The following MTUS2 variants were observed in gnomAD, a reference collection of about 807,000 sequenced individuals.
MTUS2 encodes the protein microtubule-associated tumor suppressor candidate 2.
A neutral mutation model predicts 114.1 loss-of-function variants in MTUS2; 40 were observed. The observed-to-expected ratio is 0.35, with a 90% CI of 0.27 to 0.46. The LOEUF is 0.46. Ranked by LOEUF, MTUS2 falls within the 20% of genes least tolerant of loss-of-function variation. The probability of loss-of-function intolerance (pLI) is 1.00; values close to 1 mark genes in which losing one functional copy is unlikely to be tolerated. For missense variants in MTUS2, 1,679 were observed against 1,705.4 expected, an observed-to-expected ratio of 0.98 and a Z score of 0.27; for synonymous variants, 688 against 672.0, an observed-to-expected ratio of 1.02 and a Z score of -0.37.
chr13:29,149,158 G>A (rs529298184), intron 5 of MTUS2, among the ~76,000 whole-genome samples: 91 of 152,216 alleles, frequency 6.0e-4, no homozygotes, highest in African/African-American at 2.1e-3. Context: ...CAGTGTAAAG[G>A]CATTCCTATT....
At chr13:29,364,519 C>A (rs927789699) in intron 8 of MTUS2, among the ~76,000 whole-genome samples, 8 of 152,226 alleles carry the variant, frequency 5.3e-5, no homozygotes, top group African/African-American at 1.9e-4. Flanking sequence ...ACCTTGAGTG[C>A]TCCATAACAC....
chr13:29,124,797 T>C (rs1891449090), intron 5 of MTUS2, among the ~76,000 whole-genome samples: 1 of 152,200 alleles, frequency 6.6e-6, no homozygotes, highest in South Asian at 2.1e-4. Context: ...GGGTGAACCT[T>C]GAGTACATTG....
chr13:28,883,295 TTGAG>T (rs1878400091), intron 2 of MTUS2, among the ~76,000 whole-genome samples: 1 of 152,224 alleles, frequency 6.6e-6, no homozygotes, highest in Non-Finnish European at 1.5e-5. Context: ...AATTGCACTA[TTGAG>T]TATTTGTTCC....
intron 2 of MTUS2, among the ~76,000 whole-genome samples, chr13:28,928,955 C>T (rs1028303501): frequency 1.1e-4 from 17 of 152,172 alleles, no homozygotes; most frequent in African/African-American, 3.1e-4. Flanking sequence ...TGCACACATA[C>T]ATATATACAC....
At chr13:29,434,170 T>C (rs1170845954) in intron 8 of MTUS2, among the ~76,000 whole-genome samples, 1 of 152,198 alleles carries the variant, frequency 6.6e-6, no homozygotes, top group Non-Finnish European at 1.5e-5. Flanking sequence ...ATGAAAATGC[T>C]CAAATCTGCA....
chr13:29,283,550 C>G (rs1898359552), intron 6 of MTUS2, among the ~76,000 whole-genome samples: 2 of 152,052 alleles, frequency 1.3e-5, no homozygotes, highest in African/African-American at 4.8e-5. Flanking sequence ...TTGAATCAAC[C>G]CTATAGCCCA....
At chr13:29,342,698 G>C (rs1383527994) in intron 7 of MTUS2, among the ~76,000 whole-genome samples, 3 of 152,086 alleles carry the variant, frequency 2.0e-5, no homozygotes, top group Non-Finnish European at 4.4e-5. Flanking sequence ...GTACTATGTT[G>C]AATAGAAGTG....
At chr13:29,263,373 G>A (rs1897548265) in intron 5 of MTUS2, among the ~76,000 whole-genome samples, 1 of 152,174 alleles carries the variant, frequency 6.6e-6, no homozygotes, top group Non-Finnish European at 1.5e-5. Flanking sequence ...GGAGTTCTGT[G>A]TTGAGAAAGA....
At chr13:28,922,748 C>G (rs1356399050) in intron 2 of MTUS2, among the ~76,000 whole-genome samples, 2 of 152,200 alleles carry the variant, frequency 1.3e-5, no homozygotes, top group African/African-American at 4.8e-5. Flanking sequence ...TCCTACCCCC[C>G]TTCAGTGCCT....
At chr13:29,043,521 G>A (rs895186430) in intron 4 of MTUS2, among the ~76,000 whole-genome samples, 7 of 152,142 alleles carry the variant, frequency 4.6e-5, no homozygotes, top group Admixed American at 1.3e-4. Flanking sequence ...AGTGCTGTCA[G>A]TGGGGTACTG....
intron 2 of MTUS2, among the ~76,000 whole-genome samples, chr13:28,882,107 T>G (rs985267983): frequency 1.3e-5 from 2 of 152,120 alleles, no homozygotes; most frequent in African/African-American, 4.8e-5. Context: ...TCTCCCAGGC[T>G]GGAGTGCGGC....
intron 4 of MTUS2, among the ~76,000 whole-genome samples, chr13:29,092,666 G>A (rs1575301): frequency 0.67 from 102,127 of 152,004 alleles, 35,030 homozygotes; most frequent in Non-Finnish European, 0.74. Flanking sequence ...GCATGGCCCC[G>A]CCAGACGAGT....
In MTUS2 at chr13:29,011,236, A is replaced by G. The variant is rs1319461391; in HGVS notation, c.-242-13221A>G. On this transcript the variant is annotated intron_variant, in intron 2 of 15. Coordinates refer to ENST00000612955, the MANE Select transcript of MTUS2 (RefSeq NM_001033602.4). Reference sequence around the variant, plus strand: ...ATTTAAAACATGCCCATGAAAATTCATACTTACTCAGGTTTGTGCTTTTGA... The same window carrying G: ...ATTTAAAACATGCCCATGAAAATTCGTACTTACTCAGGTTTGTGCTTTTGA... Among the ~76,000 whole-genome samples, 7 of 152,352 alleles carry G rather than the reference A, an allele frequency of 4.6e-5. No homozygotes were observed. The East Asian group carries it at 1.2e-3, about 25-fold the overall frequency.
At chr13:29,076,060 G>A (rs2479780) in intron 4 of MTUS2, among the ~76,000 whole-genome samples, 149,067 of 152,340 alleles carry the variant, frequency 0.98, 72,978 homozygotes, top group Non-Finnish European at 1. Context: ...TATACGTTTC[G>A]TATTATAGAA....
At chr13:29,029,741 A>G (rs1460326940) in intron 3 of MTUS2, among the ~76,000 whole-genome samples, 2 of 152,202 alleles carry the variant, frequency 1.3e-5, no homozygotes, top group African/African-American at 2.4e-5. Context: ...CCACGTGTGC[A>G]TTGATCACGT....
intron 5 of MTUS2, among the ~76,000 whole-genome samples, chr13:29,204,378 A>G (rs932376627): frequency 2.6e-5 from 4 of 152,306 alleles, no homozygotes; most frequent in African/African-American, 7.2e-5. Flanking sequence ...GGGGTTGCCA[A>G]GCCTTCCAAA....
intron 5 of MTUS2, among the ~76,000 whole-genome samples, chr13:29,135,590 T>C (rs1891945775): frequency 6.6e-6 from 1 of 152,214 alleles, no homozygotes; most frequent in Admixed American, 6.5e-5. Context: ...CTATATGCCT[T>C]ATAGGATTTC....
chr13:28,993,608 A>G (rs371761692), intron 2 of MTUS2, among the ~76,000 whole-genome samples: 26 of 152,148 alleles, frequency 1.7e-4, no homozygotes, highest in African/African-American at 6.0e-4. Context: ...GTAGGGGTCC[A>G]GTTTCATTCT....
chr13:28,835,033 T>A (rs1566166498), intron 1 of MTUS2, among the ~76,000 whole-genome samples: 1 of 152,192 alleles, frequency 6.6e-6, no homozygotes, highest in Non-Finnish European at 1.5e-5. Flanking sequence ...TTGGTGAAGA[T>A]ATGGAAATGT....
Sources: allele counts gnomAD v4.1 joint callset (sites outside exome capture counted in the v4.1 genomes callset), GRCh38; gene constraint gnomAD v4.1.1; transcripts MANE v1.5; gene names NCBI Gene and HGNC (gene_info 2026-07-23, HGNC 2026-07-21).